Variants in ARHGEF33 observed in about 807,000 individuals in gnomAD.
ARHGEF33 encodes the protein Rho guanine nucleotide exchange factor 33.
Under a neutral mutation model 101.9 loss-of-function variants are expected in ARHGEF33, and 72 were observed. The ratio of observed to expected loss-of-function variants is 0.71; its 90% confidence interval spans 0.58 to 0.86. ARHGEF33 has a LOEUF of 0.86. ARHGEF33 is among the 40% of genes least tolerant of loss of function. ARHGEF33 has a pLI of 0.00. For missense variants in ARHGEF33, 1,169 were observed against 1,111.3 expected (o/e 1.05, Z -0.74); for synonymous variants, 499 against 442.5 (o/e 1.13, Z -1.60).
chr2:38,892,600 G>T (rs570084176), intron 1 of ARHGEF33, among the ~76,000 whole-genome samples: 15 of 152,248 alleles, frequency 9.9e-5, no homozygotes, highest in Admixed American at 9.8e-4. Context: ...AAAAACAAAA[G>T]TTAAGGCTCT....
intron 8 of ARHGEF33, 89 bp from the exon 9 acceptor site, chr2:38,937,246 G>A (rs1423878110): frequency 2.1e-5 from 14 of 668,318 alleles, no homozygotes; most frequent in South Asian, 9.2e-5. Context: ...CGCCTGCCTC[G>A]GCCTCCGAAA....
rs1418333041 is a variant in ARHGEF33 at position 38,960,295 on chromosome 2, A to T, written c.1990A>T (p.Met664Leu). The T allele has an allele frequency of 1.9e-6, 3 of 1,546,238 alleles. No individual in the cohort carries two copies. The highest frequency in any genetic ancestry group is 8.7e-7 in the Non-Finnish European group (1 of 1,146,082). Reference sequence around the variant, plus strand: ...CTTCCTGCGGCCCGTCAGCTTCGCCATGGAGGCCGAGCGGCCGGAGCACCC... The same window carrying T: ...CTTCCTGCGGCCCGTCAGCTTCGCCTTGGAGGCCGAGCGGCCGGAGCACCC... ...ICFLRPVSFAMEAERPEHPLQ... is the reference protein window; with the variant it reads ...ICFLRPVSFALEAERPEHPLQ... Residue 664 changes from methionine to leucine, a missense_variant, in exon 16 of 18, where the codon ATG becomes TTG. By Grantham distance (15) the Met-to-Leu change is conservative. Coordinates refer to ENST00000409978, the MANE Select transcript of ARHGEF33 (RefSeq NM_001145451.5).
At chr2:38,957,429 C>T (rs561563022) in intron 14 of ARHGEF33, among the ~76,000 whole-genome samples, 1 of 152,320 alleles carries the variant, frequency 6.6e-6, no homozygotes, top group South Asian at 2.1e-4. Flanking sequence ...AGGCACTGTT[C>T]CATGCACTGA....
At chr2:38,909,196 C>T (rs1348987981) in intron 2 of ARHGEF33, among the ~76,000 whole-genome samples, 1 of 152,080 alleles carries the variant, frequency 6.6e-6, no homozygotes, top group Non-Finnish European at 1.5e-5. Context: ...CTAGCAGCAC[C>T]CATATTTGAC....
chr2:38,958,156 T>C lies in ARHGEF33; in HGVS notation c.1493T>C (p.Leu498Pro), dbSNP rs1667818645. 1 of 1,551,872 alleles carries C rather than the reference T, an allele frequency of 6.4e-7. No homozygotes were observed. ...ACTGGGATCCACTCAGAAGAGTTGCTGCAACCCTACCCTTCTGCTCCCAGT... is the reference window on the plus strand; with the variant it reads ...ACTGGGATCCACTCAGAAGAGTTGCCGCAACCCTACCCTTCTGCTCCCAGT... ...RDTGIHSEEL[L>P]QPYPSAPSSG... Residue 498 changes from leucine (L) to proline (P), a missense_variant, in exon 15 of 18, where the codon CTG (leucine) becomes CCG (proline). Coordinates refer to ENST00000409978, the MANE Select transcript of ARHGEF33 (RefSeq NM_001145451.5).
At chr2:38,926,272 A>G (rs1422204551) in intron 4 of ARHGEF33, among the ~76,000 whole-genome samples, 1 of 152,168 alleles carries the variant, frequency 6.6e-6, no homozygotes, top group East Asian at 1.9e-4. Flanking sequence ...CAAGGTAGAC[A>G]CCCATTTCTA....
At chr2:38,934,047 T>C (rs115286453) in intron 7 of ARHGEF33, among the ~76,000 whole-genome samples, 2,178 of 152,344 alleles carry the variant, frequency 0.014, 23 homozygotes, top group African/African-American at 0.024. Context: ...TATTCTTGCT[T>C]GAGAAAATTG....
At chr2:38,966,750 C>T (rs900269491) in intron 17 of ARHGEF33, among the ~76,000 whole-genome samples, 4 of 152,106 alleles carry the variant, frequency 2.6e-5, no homozygotes, top group African/African-American at 4.8e-5. Context: ...GATTCTAAGT[C>T]GTTGTTGTGT....
intron 2 of ARHGEF33, among the ~76,000 whole-genome samples, chr2:38,896,330 G>A (rs897643419): frequency 2.0e-5 from 3 of 152,104 alleles, no homozygotes; most frequent in African/African-American, 7.2e-5. Context: ...TAGAGACAGG[G>A]TTTCACCATG....
chr2:38,898,623 A>G (rs1260243107), intron 2 of ARHGEF33, among the ~76,000 whole-genome samples: 2 of 152,246 alleles, frequency 1.3e-5, no homozygotes, highest in Admixed American at 1.3e-4. Flanking sequence ...GCTTGCAGAT[A>G]ACATCATAGC....
chr2:38,957,155 TAGAAGGAAAGA>T, intron 14 of ARHGEF33, 108 bp downstream of exon 14: 1 of 1,357,630 alleles, frequency 7.4e-7, no homozygotes, highest in South Asian at 1.4e-5. Context: ...TGGTGGGAGG[TAGAAGGAAAGA>T]GAGAAGGGGA....
chr2:38,944,083 AGT>A, intron 10 of ARHGEF33, 53 bp downstream of exon 10: 1 of 1,509,902 alleles, frequency 6.6e-7, no homozygotes, highest in East Asian at 2.5e-5. Flanking sequence ...ATTTAAGGTA[AGT>A]GGTTTATTGT....
chr2:38,916,181 AGACTAAC>A (rs1666629100), intron 2 of ARHGEF33, among the ~76,000 whole-genome samples: 1 of 152,212 alleles, frequency 6.6e-6, no homozygotes. Flanking sequence ...AATTAGTTGT[AGACTAAC>A]GACTAAATTT....
chr2:38,957,120 T>C (rs972527994), intron 14 of ARHGEF33, 73 bp downstream of exon 14: 3 of 1,509,444 alleles, frequency 2.0e-6, no homozygotes, highest in Non-Finnish European at 2.7e-6. Context: ...GTAACCACGT[T>C]GTGTGTTAAG....
intron 2 of ARHGEF33, among the ~76,000 whole-genome samples, chr2:38,897,828 G>C (rs1479363221): frequency 6.6e-6 from 1 of 152,212 alleles, no homozygotes; most frequent in Non-Finnish European, 1.5e-5. Flanking sequence ...AGGACGCTAG[G>C]AGTTTGACAG....
intron 17 of ARHGEF33, among the ~76,000 whole-genome samples, chr2:38,967,735 C>T (rs936557397): frequency 1.1e-4 from 16 of 151,374 alleles, no homozygotes; most frequent in African/African-American, 3.9e-4. Context: ...GCCACCACGC[C>T]CTGGCTATTT....
In ARHGEF33 at chr2:38,904,695, G is replaced by A. The variant is rs184995597; in HGVS notation, c.-86+8846G>A. ...TGCACTCCAGCCAGGGAGACGGAGC[G>A]AGACTCTGTATCAAAAAAAAAAAAA... On this transcript the variant is annotated intron_variant, in intron 2 of 17. Transcript: ENST00000409978. Among the ~76,000 whole-genome samples the A allele has an allele frequency of 8.8e-3, 1,126 of 127,300 alleles. 10 individuals are homozygous for A. Among genetic ancestry groups the A allele is most frequent in the African/African-American group, 0.029 (1,070 of 36,782 alleles). 83.5% of individuals were successfully genotyped at this position (127,300 alleles called of 152,430 possible).
intron 15 of ARHGEF33, 85 bp from the exon 16 acceptor site, chr2:38,959,756 C>G (rs545902404): frequency 7.2e-7 from 1 of 1,382,386 alleles, no homozygotes; most frequent in Admixed American, 2.9e-5. Flanking sequence ...CCTCGGAGCG[C>G]GGCCCCGAGG....
chr2:38,973,154 C>T (rs1474271676), intron 17 of ARHGEF33: 1 of 152,326 alleles, frequency 6.6e-6, no homozygotes, highest in African/African-American at 2.4e-5. Flanking sequence ...TGGCTTTGGT[C>T]TCTTTTGTGG....
Sources: gnomAD v4.1 joint callset for allele counts (sites outside exome capture counted in the v4.1 genomes callset) on GRCh38, gnomAD v4.1.1 for gene constraint, MANE v1.5 for transcripts, NCBI Gene and HGNC (gene_info 2026-07-23, HGNC 2026-07-21) for gene names.